The following APPBP2 variants were observed in gnomAD, a reference collection of about 807,000 sequenced individuals.
APPBP2 encodes amyloid protein-binding protein 2.
In APPBP2, 15 loss-of-function variants were observed where a neutral mutation model predicts 76.0. The ratio of observed to expected loss-of-function variants is 0.20; its 90% confidence interval spans 0.13 to 0.30. APPBP2 has a LOEUF of 0.30. Ranked by LOEUF, APPBP2 falls within the 10% of genes least tolerant of loss-of-function variation. The pLI is 1.00. For synonymous variants in APPBP2, 222 were observed against 242.2 expected (o/e 0.92, Z 0.77); for missense variants, 401 against 687.2 (o/e 0.58, Z 4.66).
At chr17:60,499,366 G>GTT (rs2090803692) in intron 2 of APPBP2, among the ~76,000 whole-genome samples, 1 of 150,928 alleles carries the variant, frequency 6.6e-6, no homozygotes, top group African/African-American at 2.4e-5. Flanking sequence ...CAGTATGACA[G>GTT]TTCCTCAAAA....
chr17:60,513,143 G>GA, intron 1 of APPBP2: 2 of 301,124 alleles, frequency 6.6e-6, no homozygotes, highest in Non-Finnish European at 1.2e-5. Context: ...GTGTCCAGAA[G>GA]AATTTCAGTA....
intron 5 of APPBP2, 109 bp downstream of exon 5, chr17:60,466,182 C>T (rs1417275346): frequency 1.8e-6 from 2 of 1,104,720 alleles, no homozygotes; most frequent in Non-Finnish European, 2.6e-6. Context: ...TTATATAAAC[C>T]TAATATGTAA....
At chr17:60,467,291 T>A (rs2090518865) in intron 4 of APPBP2, among the ~76,000 whole-genome samples, 1 of 152,162 alleles carries the variant, frequency 6.6e-6, no homozygotes, top group South Asian at 2.1e-4. Context: ...GATGGACAGG[T>A]TAGGAAGTAT....
rs140470718 is a variant in APPBP2, at chr17:60,494,052, A to G, written c.379+414T>C. Among the ~76,000 whole-genome samples the G allele has an allele frequency of 2.4e-3, 368 of 152,330 alleles. 2 individuals carry two copies. The highest frequency in any genetic ancestry group is 8.4e-3 in the African/African-American group (349 of 41,586). On this transcript the variant is annotated intron_variant, in intron 3 of 12. Coordinates refer to ENST00000083182, the MANE Select transcript of APPBP2 (RefSeq NM_006380.5). Reference sequence around the variant, plus strand: ...CCTCATTTTAGAGATGGGAAAACTGAGGCTCCGAAAGGATGAAGTTCTCTG... The same window carrying G: ...CCTCATTTTAGAGATGGGAAAACTGGGGCTCCGAAAGGATGAAGTTCTCTG...
intron 9 of APPBP2, among the ~76,000 whole-genome samples, chr17:60,457,841 T>C (rs997068023): frequency 6.6e-6 from 1 of 152,232 alleles, no homozygotes; most frequent in Non-Finnish European, 1.5e-5. Flanking sequence ...ATTTAATGTG[T>C]ACAATTCAAT....
chr17:60,520,991 A>G (rs922124715), intron 1 of APPBP2, among the ~76,000 whole-genome samples: 5 of 152,134 alleles, frequency 3.3e-5, no homozygotes, highest in African/African-American at 1.2e-4. Flanking sequence ...CACAGGCACG[A>G]CCGCAGCTAG....
chr17:60,480,862 A>G (rs1016030916), intron 3 of APPBP2, among the ~76,000 whole-genome samples: 3 of 152,178 alleles, frequency 2.0e-5, no homozygotes, highest in African/African-American at 7.2e-5. Context: ...CTGGAAGAGC[A>G]ATGGACACTC....
intron 3 of APPBP2, among the ~76,000 whole-genome samples, chr17:60,490,302 G>T (rs1467083046): frequency 6.6e-6 from 1 of 152,108 alleles, no homozygotes; most frequent in Non-Finnish European, 1.5e-5. Context: ...TGACCACTGG[G>T]GGAAGCTGGA....
rs917804075 is a variant in APPBP2 at position 60,444,874 on chromosome 17, C to A, written c.*2707G>T. ...ACCAAAGGCCCCTAATTTAACATAA[C>A]TTTGCTGAACCTCCAGAAAAATCTT... On this transcript the variant is annotated 3_prime_UTR_variant, in exon 13 of 13. Coordinates refer to ENST00000083182, the MANE Select transcript of APPBP2 (RefSeq NM_006380.5). The A allele has an allele frequency of 3.9e-5, 6 of 152,436 alleles. No homozygotes were observed. The highest frequency in any genetic ancestry group is 1.4e-4 in the African/African-American group (6 of 41,426). The allele number at this position is 152,436 out of a possible 1,614,324, so 9.4% of individuals were successfully genotyped here. A position where few individuals can be genotyped will look rare whatever the true frequency, so the allele number is the denominator to read the frequency against.
chr17:60,467,981 TG>T (rs1337944556), intron 4 of APPBP2, among the ~76,000 whole-genome samples: 1 of 152,118 alleles, frequency 6.6e-6, no homozygotes, highest in Non-Finnish European at 1.5e-5. Flanking sequence ...TTGCGGGCCG[TG>T]GAAAGGAGTT....
At chr17:60,450,421 G>A (rs1469909353) in intron 12 of APPBP2, among the ~76,000 whole-genome samples, 1 of 147,996 alleles carries the variant, frequency 6.8e-6, no homozygotes, top group Non-Finnish European at 1.5e-5. Context: ...CTGGGTGACA[G>A]AGCGAGACTC....
At chr17:60,479,063 G>A (rs1184436601) in intron 4 of APPBP2, 85 bp downstream of exon 4, 1 of 1,300,076 alleles carries the variant, frequency 7.7e-7, no homozygotes, top group Non-Finnish European at 1.1e-6. Context: ...TTACTCAAAT[G>A]TTGGCATATA....
chr17:60,518,527 T>TGA (rs2090983269), intron 1 of APPBP2, among the ~76,000 whole-genome samples: 3 of 151,284 alleles, frequency 2.0e-5, no homozygotes, highest in African/African-American at 7.3e-5. Flanking sequence ...TGTGTGTGTG[T>TGA]GAAAGAGAGA....
intron 11 of APPBP2, among the ~76,000 whole-genome samples, chr17:60,452,443 TAAC>T (rs1419539008): frequency 1.3e-5 from 2 of 152,220 alleles, no homozygotes; most frequent in East Asian, 3.8e-4. Context: ...TGAACCTTCT[TAAC>T]AAGCTCTAGA....
intron 1 of APPBP2, among the ~76,000 whole-genome samples, chr17:60,521,199 AC>A (rs1309928146): frequency 6.6e-6 from 1 of 152,232 alleles, no homozygotes; most frequent in Non-Finnish European, 1.5e-5. Context: ...ATCACATGCC[AC>A]ATAAAGTTTC....
At chr17:60,497,861 A>G (rs2090788981) in intron 2 of APPBP2, among the ~76,000 whole-genome samples, 1 of 151,942 alleles carries the variant, frequency 6.6e-6, no homozygotes, top group Non-Finnish European at 1.5e-5. Context: ...CAAGCAGACC[A>G]GGCACGGTGG....
At chr17:60,509,667 T>A (rs9914026) in intron 1 of APPBP2, among the ~76,000 whole-genome samples, 11,802 of 152,176 alleles carry the variant, frequency 0.078, 1,539 homozygotes, top group African/African-American at 0.27. Flanking sequence ...CCGGGCGTGG[T>A]GGCACATGCC....
intron 1 of APPBP2, among the ~76,000 whole-genome samples, chr17:60,522,640 G>A (rs959290876): frequency 1.3e-5 from 2 of 152,030 alleles, no homozygotes; most frequent in Non-Finnish European, 2.9e-5. Flanking sequence ...CTTTTGTTCT[G>A]ATCTTAGAAG....
intron 3 of APPBP2, among the ~76,000 whole-genome samples, chr17:60,485,126 T>G (rs2090663002): frequency 6.6e-6 from 1 of 152,204 alleles, no homozygotes. Context: ...TATTGAGGAT[T>G]TTCGCATCGA....
Sources: gnomAD v4.1 joint callset for allele counts (sites outside exome capture counted in the v4.1 genomes callset) on GRCh38, gnomAD v4.1.1 for gene constraint, MANE v1.5 for transcripts, NCBI Gene and HGNC (gene_info 2026-07-23, HGNC 2026-07-21) for gene names.